Variants in RORA observed in about 807,000 individuals in gnomAD.
RORA encodes the protein RAR related orphan receptor A.
Under a neutral mutation model 69.5 loss-of-function variants are expected in RORA, and 7 were observed. The observed-to-expected ratio is 0.10, with a 90% CI of 0.06 to 0.19. The LOEUF is 0.19. RORA is among the 10% of genes least tolerant of loss of function. RORA has a pLI of 1.00. For missense variants in RORA, 457 were observed against 663.0 expected, an observed-to-expected ratio of 0.69 and a Z score of 3.41; for synonymous variants, 261 against 240.8, an observed-to-expected ratio of 1.08 and a Z score of -0.78.
intron 1 of RORA, among the ~76,000 whole-genome samples, chr15:60,856,525 A>G (rs1253431360): frequency 6.6e-6 from 1 of 150,898 alleles, no homozygotes; most frequent in Non-Finnish European, 1.5e-5. Context: ...AAGAGTCCTT[A>G]GATATTATCA....
intron 1 of RORA, among the ~76,000 whole-genome samples, chr15:61,126,457 TATTCATCCTAACTAAA>T (rs1159268079): frequency 6.6e-6 from 1 of 152,226 alleles, no homozygotes; most frequent in Non-Finnish European, 1.5e-5. Flanking sequence ...ATCCAGAACT[TATTCATCCTAACTAAA>T]ATTCTATACC....
intron 1 of RORA, among the ~76,000 whole-genome samples, chr15:60,940,040 A>G (rs991428827): frequency 1.3e-5 from 2 of 152,224 alleles, no homozygotes; most frequent in Non-Finnish European, 2.9e-5. Context: ...TGCTACTTCA[A>G]GATGAGTAGA....
intron 1 of RORA, among the ~76,000 whole-genome samples, chr15:60,970,239 T>C (rs1176266775): frequency 6.6e-6 from 1 of 152,222 alleles, no homozygotes; most frequent in African/African-American, 2.4e-5. Flanking sequence ...AATGGTCCTA[T>C]CTCATGGAGG....
intron 1 of RORA, among the ~76,000 whole-genome samples, chr15:60,865,160 T>C (rs2073474127): frequency 6.6e-6 from 1 of 152,242 alleles, no homozygotes; most frequent in Admixed American, 6.5e-5. Flanking sequence ...AGATGTTTGA[T>C]AGACCTGATA....
intron 1 of RORA, among the ~76,000 whole-genome samples, chr15:61,130,989 A>G (rs2079185729): frequency 6.6e-6 from 1 of 152,212 alleles, no homozygotes; most frequent in African/African-American, 2.4e-5. Flanking sequence ...CCTGACTCCA[A>G]ATATAAGTCT....
At chr15:60,611,559 CAAAAAAAAAAAAAAAAAA>C (rs533598270) in intron 2 of RORA, among the ~76,000 whole-genome samples, 3 of 35,812 alleles carry the variant, frequency 8.4e-5, no homozygotes, top group African/African-American at 2.3e-4. Flanking sequence ...TTGAGTTTTG[CAAAAAAAAAAAAAAAAAA>C]AAAAAAAAAA....
intron 1 of RORA, among the ~76,000 whole-genome samples, chr15:61,155,632 G>A (rs1394604735): frequency 2.6e-5 from 4 of 152,206 alleles, no homozygotes; most frequent in Non-Finnish European, 5.9e-5. Context: ...CGATCAATGG[G>A]AAAGATTAAG....
intron 2 of RORA, among the ~76,000 whole-genome samples, chr15:60,609,944 C>G (rs1032150646): frequency 1.3e-5 from 2 of 151,954 alleles, no homozygotes; most frequent in African/African-American, 2.4e-5. Context: ...CCATCAAAGG[C>G]GTGAAAAAAT....
intron 1 of RORA, among the ~76,000 whole-genome samples, chr15:60,841,979 G>C (rs1037980070): frequency 3.3e-5 from 5 of 152,038 alleles, no homozygotes; most frequent in Non-Finnish European, 7.4e-5. Flanking sequence ...GAACAGCACT[G>C]TCTCTCCTCC....
intron 1 of RORA, among the ~76,000 whole-genome samples, chr15:61,055,787 A>T (rs929818012): frequency 1.3e-5 from 2 of 152,262 alleles, no homozygotes; most frequent in Non-Finnish European, 2.9e-5. Flanking sequence ...CAAAGAACAG[A>T]ATCATTAGGA....
At chr15:60,864,771 G>A (rs1284138639) in intron 1 of RORA, among the ~76,000 whole-genome samples, 3 of 152,322 alleles carry the variant, frequency 2.0e-5, no homozygotes, top group African/African-American at 4.8e-5. Flanking sequence ...AAGAAGACAG[G>A]AGCCCCATGA....
At chr15:61,154,529 G>T (rs1446657469) in intron 1 of RORA, among the ~76,000 whole-genome samples, 1 of 152,184 alleles carries the variant, frequency 6.6e-6, no homozygotes, top group Non-Finnish European at 1.5e-5. Context: ...CTCAGTCACA[G>T]ACAGGTCACA....
intron 1 of RORA, among the ~76,000 whole-genome samples, chr15:60,884,420 T>C (rs929973441): frequency 3.3e-5 from 5 of 152,034 alleles, no homozygotes; most frequent in East Asian, 1.9e-4. Flanking sequence ...TGGATACTTA[T>C]GTCACCCAGT....
intron 1 of RORA, among the ~76,000 whole-genome samples, chr15:60,750,728 T>C (rs1413915533): frequency 1.3e-5 from 2 of 152,200 alleles, no homozygotes; most frequent in Non-Finnish European, 2.9e-5. Context: ...GTTTCAGAAA[T>C]GTATTTTCAT....
intron 1 of RORA, among the ~76,000 whole-genome samples, chr15:60,854,992 G>T (rs1236356759): frequency 6.6e-6 from 1 of 152,216 alleles, no homozygotes; most frequent in Non-Finnish European, 1.5e-5. Context: ...TGGAGAAGAT[G>T]CTGGTAGTCA....
intron 1 of RORA, among the ~76,000 whole-genome samples, chr15:61,026,827 T>C (rs977158728): frequency 2.6e-5 from 4 of 152,194 alleles, no homozygotes; most frequent in Non-Finnish European, 5.9e-5. Flanking sequence ...GAGAAGTTGC[T>C]AGGTGGCACC....
chr15:60,776,667 G>T (rs1408684036), intron 1 of RORA, among the ~76,000 whole-genome samples: 2 of 152,184 alleles, frequency 1.3e-5, no homozygotes. Context: ...CAAGGTATGG[G>T]GTCCCCAGGG....
At chr15:60,909,736 C>T (rs980422136) in intron 1 of RORA, among the ~76,000 whole-genome samples, 10 of 152,234 alleles carry the variant, frequency 6.6e-5, no homozygotes, top group South Asian at 2.1e-4. Context: ...CCTAATTCAG[C>T]GTTCTCACCA....
rs767729204 is a variant in RORA, at chr15:60,979,268, CTTTTT to C, written c.166+249780_166+249784del. On this transcript the variant is annotated intron_variant, in intron 1 of 10. Coordinates refer to ENST00000335670, the MANE Select transcript of RORA (RefSeq NM_134261.3). ...CGTGAGCCACCGCACCTAGCCCTTG[CTTTTT>C]TTTTTTTTTTTTTTTTTTCCAAGAA... Among the ~76,000 whole-genome samples, 25 of 64,266 alleles carry C rather than the reference CTTTTT, an allele frequency of 3.9e-4. No homozygotes were observed. The East Asian group carries it at 6.9e-3, about 18-fold the overall frequency. The allele number at this position is 64,266 out of a possible 152,430, so 42.2% of individuals were successfully genotyped here. A position where few individuals can be genotyped will look rare whatever the true frequency, so the allele number is the denominator to read the frequency against.
Sources: allele counts gnomAD v4.1 joint callset (sites outside exome capture counted in the v4.1 genomes callset), GRCh38; gene constraint gnomAD v4.1.1; transcripts MANE v1.5; gene names NCBI Gene and HGNC (gene_info 2026-07-23, HGNC 2026-07-21).